CCDC125: variants seen among roughly 807,000 people sequenced by gnomAD.
CCDC125 encodes the protein coiled-coil domain containing 125.
CCDC125 carries 43 observed loss-of-function variants against 57.4 expected under a neutral mutation model. The observed-to-expected ratio is 0.75, with a 90% CI of 0.59 to 0.97. The LOEUF (loss-of-function observed/expected upper bound fraction) is 0.97. Ranked by LOEUF, CCDC125 falls within the 50% of genes least tolerant of loss-of-function variation. The pLI is 0.00. For missense variants in CCDC125, 563 were observed against 595.7 expected, an observed-to-expected ratio of 0.95 and a Z score of 0.57; for synonymous variants, 187 against 195.2, an observed-to-expected ratio of 0.96 and a Z score of 0.35.
chr5:69,307,938 A>C lies in CCDC125; in HGVS notation c.531+13T>G, dbSNP rs1757592950. 6.2e-7 allele frequency: 1 copy of C among 1,602,582 alleles called. No individual in the cohort carries two copies. The highest frequency in any genetic ancestry group is 8.5e-7 in the Non-Finnish European group (1 of 1,169,686). Reference sequence around the variant, plus strand: ...ATTGGATTCAATAAGTCTACACTAAAAGCACCAAATACCTTCTCCAAGGAT... The same window carrying C: ...ATTGGATTCAATAAGTCTACACTAACAGCACCAAATACCTTCTCCAAGGAT... On this transcript the variant is annotated intron_variant, in intron 5 of 11. Coordinates refer to ENST00000396496, the MANE Select transcript of CCDC125 (RefSeq NM_176816.5).
chr5:69,273,665 G>A, the CCDC125 span, among the ~76,000 whole-genome samples: 4 of 152,186 alleles, frequency 2.6e-5, no homozygotes, highest in East Asian at 5.8e-4. Flanking sequence ...GCAGAGCACT[G>A]TACAACACAG....
chr5:69,283,048 A>T lies in CCDC125; in HGVS notation c.1231-14T>A. The T allele has an allele frequency of 6.4e-7, 1 of 1,561,224 alleles. No homozygotes were observed. Among genetic ancestry groups the T allele is most frequent in the Non-Finnish European group, 8.6e-7 (1 of 1,158,304 alleles). On this transcript the variant is annotated splice_polypyrimidine_tract_variant and intron_variant, in intron 11 of 11. Coordinates refer to ENST00000396496, the MANE Select transcript of CCDC125 (RefSeq NM_176816.5). ...TTTATCATTAAGCTGCATGCACAGAAATTAAACATGTACAAGTTAGTCAAT... is the reference window on the plus strand; with the variant it reads ...TTTATCATTAAGCTGCATGCACAGATATTAAACATGTACAAGTTAGTCAAT...
At chr5:69,328,045 T>A (rs1760946030) in intron 1 of CCDC125, among the ~76,000 whole-genome samples, 1 of 152,154 alleles carries the variant, frequency 6.6e-6, no homozygotes, top group Non-Finnish European at 1.5e-5. Context: ...TATAGGCACC[T>A]GCCACCATGC....
chr5:69,325,210 C>G (rs1760573910), intron 1 of CCDC125, among the ~76,000 whole-genome samples: 2 of 150,714 alleles, frequency 1.3e-5, no homozygotes, highest in South Asian at 4.2e-4. Flanking sequence ...CCTGTAGTCC[C>G]AGCTACTTGG....
intron 8 of CCDC125, among the ~76,000 whole-genome samples, chr5:69,296,947 G>A (rs1755427178): frequency 6.6e-6 from 1 of 152,200 alleles, no homozygotes; most frequent in South Asian, 2.1e-4. Context: ...CTGGGCAACA[G>A]AGCAAGACTC....
At chr5:69,313,044 G>C (rs1484093432) in intron 3 of CCDC125, among the ~76,000 whole-genome samples, 1 of 152,084 alleles carries the variant, frequency 6.6e-6, no homozygotes, top group Non-Finnish European at 1.5e-5. Context: ...CAAGGGAAGA[G>C]GGGGAGGAAC....
At chr5:69,292,504 G>A (rs745615778) in intron 9 of CCDC125, 142 bp from the exon 10 acceptor site, 28 of 626,044 alleles carry the variant, frequency 4.5e-5, no homozygotes, top group Non-Finnish European at 5.8e-5. Context: ...ATCTGATTAC[G>A]CTAATTAATG....
intron 2 of CCDC125, among the ~76,000 whole-genome samples, chr5:69,318,573 T>C (rs1207867931): frequency 1.4e-5 from 2 of 138,290 alleles, no homozygotes; most frequent in Non-Finnish European, 3.1e-5. Context: ...TGAAACCCCA[T>C]CTCTACTAAA....
rs180686033 is a variant in CCDC125, at chr5:69,291,511, C to T, written c.1099+677G>A. 6.9e-3 allele frequency among the ~76,000 whole-genome samples: 1,044 copies of T among 152,092 alleles called. 9 individuals are homozygous for T. Among genetic ancestry groups the T allele is most frequent in the African/African-American group, 0.024 (1,006 of 41,478 alleles). On this transcript the variant is annotated intron_variant, in intron 10 of 11. Transcript: ENST00000396496. Reference sequence around the variant, plus strand: ...GTGGTATTACAGGCATGTGCTACCACGCCCGGCTAATTTTTGTGTTTTTAG... The same window carrying T: ...GTGGTATTACAGGCATGTGCTACCATGCCCGGCTAATTTTTGTGTTTTTAG...
At chr5:69,324,105 T>C (rs1393082656) in intron 1 of CCDC125, among the ~76,000 whole-genome samples, 1 of 150,944 alleles carries the variant, frequency 6.6e-6, no homozygotes, top group East Asian at 2.0e-4. Context: ...TCTTCCACTA[T>C]TAAACCTTAT....
At chr5:69,278,722 T>TTG (rs1554068240), downstream of CCDC125, among the ~76,000 whole-genome samples, 3 of 149,200 alleles carry the variant, frequency 2.0e-5, no homozygotes, top group Non-Finnish European at 4.4e-5. Context: ...TTTTTTTTTT[T>TTG]GTGAGATAGT....
At chr5:69,327,363 G>C in intron 1 of CCDC125, among the ~76,000 whole-genome samples, 1 of 151,922 alleles carries the variant, frequency 6.6e-6, no homozygotes, top group Admixed American at 6.6e-5. Context: ...CAAAGTGCTG[G>C]GATTACAGGC....
downstream of CCDC125, among the ~76,000 whole-genome samples, chr5:69,276,354 A>G (rs1368829795): frequency 6.6e-6 from 1 of 152,120 alleles, no homozygotes; most frequent in Non-Finnish European, 1.5e-5. Context: ...TTATCAGCCA[A>G]TCTTAGGATC....
downstream of CCDC125, chr5:69,277,333 G>A (rs1137380): frequency 2.8e-3 from 1,183 of 426,516 alleles, 7 homozygotes; most frequent in African/African-American, 0.022. Flanking sequence ...TGATTAGAGT[G>A]CAAAAGTGAG....
At chr5:69,279,266 C>T (rs1339822065), downstream of CCDC125, among the ~76,000 whole-genome samples, 4 of 149,344 alleles carry the variant, frequency 2.7e-5, no homozygotes, top group South Asian at 2.1e-4. Flanking sequence ...GGCACGATCT[C>T]GGCTCACTGC....
intron 1 of CCDC125, among the ~76,000 whole-genome samples, chr5:69,332,284 T>G (rs934887576): frequency 1.6e-4 from 25 of 152,216 alleles, no homozygotes; most frequent in African/African-American, 6.0e-4. Flanking sequence ...TCCTCTAATG[T>G]CAACATTTGT....
At chr5:69,300,250 C>A in intron 7 of CCDC125, 123 bp from the exon 8 acceptor site, 1 of 696,100 alleles carries the variant, frequency 1.4e-6, no homozygotes, top group Non-Finnish European at 2.6e-6. Flanking sequence ...ACATCGGGCT[C>A]CATTCAGAAA....
rs557094136 is a variant in CCDC125 at position 69,312,875 on chromosome 5, G to GA, written c.366+1109dup. Among the ~76,000 whole-genome samples, 460 of 151,710 alleles carry GA rather than the reference G, an allele frequency of 3.0e-3. 4 individuals are homozygous for GA. Among genetic ancestry groups the GA allele is most frequent in the African/African-American group, 0.011 (449 of 41,408 alleles). ...ACTTGAGAATTTTTTTTTTGTAATCGAAAGTCTCTTACTGGTCCTGCTTCC... is the reference window on the plus strand; with the variant it reads ...ACTTGAGAATTTTTTTTTTGTAATCGAAAAGTCTCTTACTGGTCCTGCTTCC... On this transcript the variant is annotated intron_variant, in intron 3 of 11. Coordinates refer to ENST00000396496, the MANE Select transcript of CCDC125 (RefSeq NM_176816.5).
downstream of CCDC125, chr5:69,276,681 T>C (rs1244334689): frequency 1.2e-6 from 2 of 1,613,208 alleles, no homozygotes; most frequent in Non-Finnish European, 1.7e-6. Context: ...AACAGAGGCC[T>C]TAGAACAAGG....
Sources: gnomAD v4.1 joint callset for allele counts (sites outside exome capture counted in the v4.1 genomes callset) on GRCh38, gnomAD v4.1.1 for gene constraint, MANE v1.5 for transcripts, NCBI Gene and HGNC (gene_info 2026-07-23, HGNC 2026-07-21) for gene names.